The following DNAH14 variants were observed in gnomAD, a reference collection of about 807,000 sequenced individuals.
DNAH14 encodes dynein axonemal heavy chain 14.
In DNAH14, 478 loss-of-function variants were observed where a neutral mutation model predicts 520.9. The observed-to-expected ratio is 0.92, with a 90% CI of 0.85 to 0.99. The LOEUF (loss-of-function observed/expected upper bound fraction) is 0.99, where lower values mean the gene tolerates loss of function less well. DNAH14 is among the 50% of genes least tolerant of loss of function. The pLI is 0.00. For synonymous variants in DNAH14, 1,581 were observed against 1,757.2 expected (o/e 0.90, Z 2.51); for missense variants, 4,831 against 5,234.5 (o/e 0.92, Z 2.38).
At chr1:225,385,641 A>C (rs572495548) in intron 81 of DNAH14, among the ~76,000 whole-genome samples, 2 of 152,366 alleles carry the variant, frequency 1.3e-5, no homozygotes, top group Non-Finnish European at 2.9e-5. Context: ...TGCTTCAAAA[A>C]GAATAAAATA....
chr1:225,046,849 A>T (rs1201166614), intron 15 of DNAH14, among the ~76,000 whole-genome samples: 1 of 152,156 alleles, frequency 6.6e-6, no homozygotes, highest in Non-Finnish European at 1.5e-5. Flanking sequence ...GTTCTGGCTT[A>T]ATTTTGGAAG....
Position 225,206,159 on chromosome 1 carries a change from C to T in DNAH14, c.6166C>T (p.Arg2056Ter), listed in dbSNP as rs1394394477. 8 of 1,550,892 alleles carry T rather than the reference C, an allele frequency of 5.2e-6. No homozygotes were observed. The highest frequency in any genetic ancestry group is 2.7e-5 in the African/African-American group (2 of 72,978). ...LSQASPATVS[R>*]CAMVYMDPVD... ...TCAGGCCAGTCCTGCTACTGTCAGC[C>T]GATGTGCCATGGTCTATATGGTAAG... is the stretch of plus-strand genomic sequence containing the variant. The change falls in exon 40 of 86, where the codon CGA becomes TGA. Residue 2056 changes from arginine (R) to a stop codon, truncating the protein, a stop_gained. Coordinates refer to ENST00000682510, the MANE Select transcript of DNAH14 (RefSeq NM_001367479.1). LOFTEE classifies it high-confidence loss of function.
intron 11 of DNAH14, among the ~76,000 whole-genome samples, chr1:225,029,753 T>TA (rs1444306853): frequency 1.3e-5 from 2 of 151,950 alleles, no homozygotes; most frequent in Non-Finnish European, 2.9e-5. Context: ...GTGTATCATA[T>TA]ACCCTACAGA....
intron 17 of DNAH14, among the ~76,000 whole-genome samples, chr1:225,076,638 G>C (rs758678170): frequency 2.5e-4 from 38 of 152,204 alleles, no homozygotes; most frequent in Non-Finnish European, 3.7e-4. Flanking sequence ...AAAATGATAA[G>C]TTTTGGTTCC....
At chr1:225,265,416 A>C (rs1321932187) in intron 48 of DNAH14, 47 bp downstream of exon 48, 1 of 1,431,118 alleles carries the variant, frequency 7.0e-7, no homozygotes, top group Non-Finnish European at 9.2e-7. Flanking sequence ...AGGCTAGTCA[A>C]GTGATAGTTT....
intron 27 of DNAH14, among the ~76,000 whole-genome samples, chr1:225,140,124 T>C (rs916677818): frequency 2.6e-5 from 4 of 152,228 alleles, no homozygotes; most frequent in Non-Finnish European, 4.4e-5. Context: ...AAATTTAATA[T>C]ATCCCTGAAT....
At chr1:225,120,602 G>A (rs2148878590) in intron 26 of DNAH14, among the ~76,000 whole-genome samples, 1 of 152,282 alleles carries the variant, frequency 6.6e-6, no homozygotes, top group South Asian at 2.1e-4. Flanking sequence ...GAATGAAAAA[G>A]GACAGTTTAA....
At chr1:225,356,523 A>C (rs887040098) in intron 73 of DNAH14, among the ~76,000 whole-genome samples, 7 of 152,186 alleles carry the variant, frequency 4.6e-5, no homozygotes, top group African/African-American at 1.7e-4. Flanking sequence ...CCTCAACTCT[A>C]CATGTGGATT....
chr1:225,294,414 C>T (rs1239194964), intron 55 of DNAH14, among the ~76,000 whole-genome samples: 1 of 152,120 alleles, frequency 6.6e-6, no homozygotes, highest in African/African-American at 2.4e-5. Flanking sequence ...TCATCACATC[C>T]TTACCTGGTT....
chr1:225,243,641 T>G (rs997197052), intron 43 of DNAH14, among the ~76,000 whole-genome samples: 3 of 152,002 alleles, frequency 2.0e-5, no homozygotes, highest in African/African-American at 7.2e-5. Context: ...AACATATAGC[T>G]ATGAAAAAGA....
chr1:225,307,104 G>A (rs965430366), intron 58 of DNAH14, among the ~76,000 whole-genome samples: 7 of 152,104 alleles, frequency 4.6e-5, no homozygotes, highest in Non-Finnish European at 1.0e-4. Context: ...GTGCTCCAGT[G>A]GGAGCTGAAC....
At chr1:224,939,944 A>G (rs1157056385) in intron 1 of DNAH14, among the ~76,000 whole-genome samples, 3 of 152,150 alleles carry the variant, frequency 2.0e-5, no homozygotes, top group African/African-American at 4.8e-5. Flanking sequence ...TCACTTATCT[A>G]TTGCTGTGTG....
chr1:225,151,949 A>G, intron 31 of DNAH14, 56 bp from the exon 32 acceptor site: 2 of 1,403,780 alleles, frequency 1.4e-6, no homozygotes, highest in Non-Finnish European at 2.0e-6. Context: ...TATAGTTTTA[A>G]CATGCTTTGG....
chr1:225,284,879 C>G (rs1407400037), intron 54 of DNAH14, among the ~76,000 whole-genome samples: 1 of 152,000 alleles, frequency 6.6e-6, no homozygotes, highest in Non-Finnish European at 1.5e-5. Flanking sequence ...GAATTAAAAG[C>G]AAAAACCACA....
intron 13 of DNAH14, 44 bp downstream of exon 13, chr1:225,043,158 G>A (rs1302107858): frequency 6.6e-7 from 1 of 1,507,436 alleles, no homozygotes. Context: ...TGCCAGGTGT[G>A]GTGGCTCATG....
intron 64 of DNAH14, among the ~76,000 whole-genome samples, chr1:225,325,041 A>G (rs1408721963): frequency 6.6e-6 from 1 of 151,928 alleles, no homozygotes; most frequent in Middle Eastern, 3.4e-3. Flanking sequence ...AAAACACTCT[A>G]TAGAGTTCAT....
chr1:224,964,333 T>A, intron 4 of DNAH14, 146 bp from the exon 5 acceptor site: 3 of 909,836 alleles, frequency 3.3e-6, no homozygotes, highest in South Asian at 8.9e-5. Context: ...AGTTTTGAGC[T>A]ATTTTTTCTC....
chr1:225,074,801 A>C (rs1465784266), intron 17 of DNAH14, among the ~76,000 whole-genome samples: 3 of 152,240 alleles, frequency 2.0e-5, no homozygotes, highest in Non-Finnish European at 4.4e-5. Context: ...AACAGCAAAC[A>C]TAGTGGCCTG....
At chr1:225,206,856 C>T in intron 40 of DNAH14, 112 bp from the exon 41 acceptor site, 1 of 957,538 alleles carries the variant, frequency 1.0e-6, no homozygotes, top group Non-Finnish European at 1.5e-6. Flanking sequence ...AATGACAATT[C>T]TAAGTCATAT....
Sources: allele counts gnomAD v4.1 joint callset (sites outside exome capture counted in the v4.1 genomes callset), GRCh38; gene constraint gnomAD v4.1.1; transcripts MANE v1.5; gene names NCBI Gene and HGNC (gene_info 2026-07-23, HGNC 2026-07-21).